CACNA1E: variants seen among roughly 807,000 people sequenced by gnomAD.
CACNA1E encodes calcium voltage-gated channel subunit alpha1 E.
Under a neutral mutation model 259.2 loss-of-function variants are expected in CACNA1E, and 40 were observed. That is an observed-to-expected ratio of 0.15 (90% CI 0.12 to 0.20). The LOEUF (loss-of-function observed/expected upper bound fraction) is 0.20. Among genes scored for constraint, CACNA1E ranks in the 10% least tolerant of loss-of-function variants. The pLI, the probability that CACNA1E is intolerant of heterozygous loss-of-function variation, is 1.00. For synonymous variants in CACNA1E, 1,104 were observed against 1,138.5 expected, an observed-to-expected ratio of 0.97 and a Z score of 0.61; for missense variants, 1,874 against 3,040.1, an observed-to-expected ratio of 0.62 and a Z score of 9.02.
At chr1:181,593,283 C>T (rs1017997568) in intron 6 of CACNA1E, among the ~76,000 whole-genome samples, 2 of 152,150 alleles carry the variant, frequency 1.3e-5, no homozygotes, top group Non-Finnish European at 1.5e-5. Flanking sequence ...CTGGTTGCTT[C>T]GGGAGCATGT....
At chr1:181,651,085 C>T (rs1402950522) in intron 6 of CACNA1E, among the ~76,000 whole-genome samples, 2 of 152,178 alleles carry the variant, frequency 1.3e-5, no homozygotes, top group East Asian at 1.9e-4. Flanking sequence ...GTATTGTCTT[C>T]TCATGTGCTA....
At position 181,379,311 on chromosome 1, in the gene CACNA1E, T is replaced by A. The variant is rs373798486; in HGVS notation, c.-14-33822T>A. ...AAAAAATATTTGAAGAAACAATGGC[T>A]GAAAATTTCCAAATTTAATGAAAAC... is the stretch of plus-strand genomic sequence containing the variant. On this transcript the variant is annotated intron_variant, in intron 1 of 11. Coordinates refer to the CACNA1E transcript ENST00000524607. Among the ~76,000 whole-genome samples, 12 of 152,270 alleles carry A rather than the reference T, an allele frequency of 7.9e-5. No homozygotes were observed. In the East Asian group the frequency reaches 2.3e-3, roughly 29 times the overall value.
intron 3 of CACNA1E, among the ~76,000 whole-genome samples, chr1:181,551,955 T>C (rs1375148572): frequency 3.3e-5 from 5 of 152,202 alleles, no homozygotes; most frequent in Non-Finnish European, 7.3e-5. Context: ...TTTGATTCAC[T>C]GACTCAAGTT....
chr1:181,667,496 A>G (rs1400975339), intron 7 of CACNA1E, among the ~76,000 whole-genome samples: 4 of 152,178 alleles, frequency 2.6e-5, no homozygotes, highest in African/African-American at 7.2e-5. Flanking sequence ...GGCCTGGACA[A>G]GTAGATAGGA....
chr1:181,776,873 A>G lies in CACNA1E; in HGVS notation c.5267+645A>G, dbSNP rs897987496. Among the ~76,000 whole-genome samples the G allele has an allele frequency of 6.6e-6, 1 of 152,244 alleles. No individual in the cohort carries two copies. The highest frequency in any genetic ancestry group is 1.5e-5 in the Non-Finnish European group (1 of 68,050). ...AGCAGGGATTGGCAAACTACATCCC[A>G]TGGGCAAAATTCAGCCCATTGTCTG... On this transcript the variant is annotated intron_variant, in intron 38 of 47. Transcript: ENST00000367573. This position sits in a 1 kb window ranked among gnomAD's most constrained non-coding sequence, Gnocchi z 4.4.
chr1:181,434,741 C>T (rs576635933), intron 2 of CACNA1E, among the ~76,000 whole-genome samples: 26 of 152,206 alleles, frequency 1.7e-4, no homozygotes, highest in African/African-American at 2.4e-4. Context: ...GGAGGAGCTA[C>T]GGGAGGTGGG....
chr1:181,382,402 A>G (rs1192352412), intron 1 of CACNA1E, among the ~76,000 whole-genome samples: 1 of 152,152 alleles, frequency 6.6e-6, no homozygotes, highest in African/African-American at 2.4e-5. Flanking sequence ...CAAGCGAACA[A>G]GTGCTTGTGG....
Position 181,739,768 on chromosome 1 carries a change from T to G in CACNA1E, c.3719+515T>G, listed in dbSNP as rs796710117. 2.2e-4 allele frequency among the ~76,000 whole-genome samples: 34 copies of G among 152,314 alleles called. 1 individual carries two copies. Among genetic ancestry groups the G allele is most frequent in the African/African-American group, 7.9e-4 (33 of 41,562 alleles). ...CCAGAACCATGCTTTTGCACAAACC[T>G]AATAATATGTGTAATCTCCAAAAGG... On this transcript the variant is annotated intron_variant, in intron 25 of 47. Transcript: ENST00000367573.
At chr1:181,714,609 C>T (rs1183353847) in intron 8 of CACNA1E, among the ~76,000 whole-genome samples, 1 of 152,204 alleles carries the variant, frequency 6.6e-6, no homozygotes, top group African/African-American at 2.4e-5. Context: ...CAAGCTACCT[C>T]CTCTAACCTA....
At chr1:181,539,779 G>C (rs1668443218) in intron 3 of CACNA1E, among the ~76,000 whole-genome samples, 1 of 152,206 alleles carries the variant, frequency 6.6e-6, no homozygotes, top group Non-Finnish European at 1.5e-5. Context: ...TAATGGATAA[G>C]ACTCATGTTA....
In CACNA1E at chr1:181,771,508, A is replaced by AG. The variant is rs1231566727; in HGVS notation, c.4973+128dup. On this transcript the variant is annotated intron_variant, in intron 36 of 47. Coordinates refer to ENST00000367573, the MANE Select transcript of CACNA1E (RefSeq NM_001205293.3). ...ACTTCCTTTGCTCCTGTCAGTAGAA[A>AG]GGGGAACAGGCAATGTCTTTGCCAA... 8 of 651,804 alleles carry AG rather than the reference A, an allele frequency of 1.2e-5. No individual in the cohort carries two copies. The East Asian group carries it at 2.2e-4, about 18-fold the overall frequency. The allele number at this position is 651,804 out of a possible 1,614,324, so 40.4% of individuals were successfully genotyped here.
chr1:181,530,124 A>G (rs536389918), intron 3 of CACNA1E, among the ~76,000 whole-genome samples: 2 of 152,176 alleles, frequency 1.3e-5, no homozygotes, highest in Non-Finnish European at 2.9e-5. Context: ...TTGCTGTGGT[A>G]TTCTCATGAT....
At chr1:181,796,644 A>G in intron 46 of CACNA1E, 24 bp from the exon 47 acceptor site, 2 of 1,539,846 alleles carry the variant, frequency 1.3e-6, no homozygotes, top group Non-Finnish European at 1.8e-6. Context: ...AGTTATAACC[A>G]AGTGCTTTTG....
chr1:181,378,613 T>C (rs776636984), intron 1 of CACNA1E, among the ~76,000 whole-genome samples: 1 of 152,196 alleles, frequency 6.6e-6, no homozygotes, highest in Non-Finnish European at 1.5e-5. Flanking sequence ...TAAGTGCATG[T>C]ATGTGAGGAA....
intron 7 of CACNA1E, among the ~76,000 whole-genome samples, chr1:181,705,672 A>G (rs751191919): frequency 6.6e-6 from 1 of 152,214 alleles, no homozygotes; most frequent in Non-Finnish European, 1.5e-5. Flanking sequence ...AAAATTAAGG[A>G]TGACAGAATT....
At chr1:181,420,043 G>T (rs930268156) in intron 2 of CACNA1E, among the ~76,000 whole-genome samples, 2 of 152,138 alleles carry the variant, frequency 1.3e-5, no homozygotes, top group African/African-American at 2.4e-5. Context: ...GGGAAATCAG[G>T]CAGGGTTCTC....
intron 7 of CACNA1E, among the ~76,000 whole-genome samples, chr1:181,675,485 A>G (rs1649278935): frequency 6.6e-6 from 1 of 152,128 alleles, no homozygotes; most frequent in South Asian, 2.1e-4. Context: ...CAAAACGTAT[A>G]TGTGTTAAGA....
intron 7 of CACNA1E, among the ~76,000 whole-genome samples, chr1:181,682,024 ATATTTGCCCTTAAATG>A (rs1468903568): frequency 6.6e-6 from 1 of 152,176 alleles, no homozygotes; most frequent in Non-Finnish European, 1.5e-5. Flanking sequence ...TGGCAATGCA[ATATTTGCCCTTAAATG>A]TATTTGCCAG....
In CACNA1E at chr1:181,627,559, G is replaced by A. The variant is rs1192382853; in HGVS notation, c.952-23779G>A. 4.6e-5 allele frequency among the ~76,000 whole-genome samples: 7 copies of A among 152,184 alleles called. 1 individual carries two copies. The highest frequency in any genetic ancestry group is 3.3e-4 in the Admixed American group (5 of 15,278). On this transcript the variant is annotated intron_variant, in intron 6 of 47. Transcript: ENST00000367573. ...GAGCCACTGCAGGGTTCTAAGCAGA[G>A]GAAGGCCACCATGAGAACAGTGTGT...
Sources: gnomAD v4.1 joint callset for allele counts (sites outside exome capture counted in the v4.1 genomes callset) on GRCh38, gnomAD v4.1.1 for gene constraint, Gnocchi (gnomAD v3.1) non-coding constraint, MANE v1.5 for transcripts, NCBI Gene and HGNC (gene_info 2026-07-23, HGNC 2026-07-21) for gene names.